Variants in RPH3AL observed in about 807,000 individuals in gnomAD.
RPH3AL encodes the protein rab effector Noc2.
A neutral mutation model predicts 43.1 loss-of-function variants in RPH3AL; 38 were observed. That is an observed-to-expected ratio of 0.88 (90% CI 0.68 to 1.15). The LOEUF (loss-of-function observed/expected upper bound fraction) is 1.15, where lower values mean the gene tolerates loss of function less well. Among genes scored for constraint, RPH3AL ranks in the 50% most tolerant of loss-of-function variants. The pLI is 0.00. For synonymous variants in RPH3AL, 189 were observed against 176.3 expected (o/e 1.07, Z -0.57); for missense variants, 462 against 423.2 (o/e 1.09, Z -0.81).
At chr17:304,162 T>G (rs202120443) in intron 5 of RPH3AL, among the ~76,000 whole-genome samples, 54 of 784 alleles carry the variant, frequency 0.069, 1 homozygote, top group South Asian at 0.25. Flanking sequence ...CAGGAAAGAG[T>G]GGGGCAGGGA....
intron 3 of RPH3AL, 103 bp from the exon 4 acceptor site, chr17:321,518 C>T (rs1191559312): frequency 2.3e-6 from 3 of 1,316,682 alleles, no homozygotes; most frequent in African/African-American, 1.6e-5. Context: ...CAGTGGACGG[C>T]CCAGGTGCCG....
In RPH3AL at chr17:344,885, G is replaced by C. The variant is rs1195676223; in HGVS notation, c.-213+7827C>G. On this transcript the variant is annotated intron_variant, in intron 1 of 9. Coordinates refer to ENST00000331302, the MANE Select transcript of RPH3AL (RefSeq NM_006987.4). ...CCCAGAGGGGCTCATATCTGGGCAGGAGACCTGATGAATAGAAAGTGTATA... is the reference window on the plus strand; with the variant it reads ...CCCAGAGGGGCTCATATCTGGGCAGCAGACCTGATGAATAGAAAGTGTATA... Among the ~76,000 whole-genome samples the C allele has an allele frequency of 2.2e-5, 3 of 135,888 alleles. 1 individual carries two copies. The highest frequency in any genetic ancestry group is 7.6e-5 in the African/African-American group (3 of 39,632). The allele number at this position is 135,888 out of a possible 152,430, so 89.1% of individuals were successfully genotyped here.
At chr17:272,723 T>C (rs1386269845) in intron 6 of RPH3AL, among the ~76,000 whole-genome samples, 1 of 149,870 alleles carries the variant, frequency 6.7e-6, no homozygotes, top group Non-Finnish European at 1.5e-5. Context: ...AACCTGCACA[T>C]TGAGCACATG....
rs2042596858 is a variant in RPH3AL at position 274,097 on chromosome 17, G to A, written c.438+7671C>T. 6.6e-6 allele frequency among the ~76,000 whole-genome samples: 1 copy of A among 152,178 alleles called. No homozygotes were observed. Among genetic ancestry groups the A allele is most frequent in the Non-Finnish European group, 1.5e-5 (1 of 68,034 alleles). On this transcript the variant is annotated intron_variant, in intron 6 of 9. Coordinates refer to ENST00000331302, the MANE Select transcript of RPH3AL (RefSeq NM_006987.4). This position sits in a 1 kb window ranked among gnomAD's most constrained non-coding sequence, Gnocchi z 4.7. ...TTCTTCGTTTTCGTTTAGTGGATAG[G>A]GATTCGAGGCTAAACAGTAAATGAA...
chr17:340,257 A>G (rs1389698573), intron 1 of RPH3AL, among the ~76,000 whole-genome samples: 1 of 151,994 alleles, frequency 6.6e-6, no homozygotes, highest in Non-Finnish European at 1.5e-5. Flanking sequence ...CTGGGAGTTC[A>G]TGGCCATCCA....
rs900366510 is a variant in RPH3AL at position 248,171 on chromosome 17, C to T, written c.439-886G>A. 3.9e-5 allele frequency among the ~76,000 whole-genome samples: 6 copies of T among 152,324 alleles called. 1 individual carries two copies. The highest frequency in any genetic ancestry group is 7.2e-5 in the African/African-American group (3 of 41,584). ...CTTGGTGCCATGCCCAGATCCCCAG[C>T]TTCTCAAGGACAACACCCTGATTCC... On this transcript the variant is annotated intron_variant, in intron 6 of 9. Coordinates refer to ENST00000331302, the MANE Select transcript of RPH3AL (RefSeq NM_006987.4).
chr17:240,771 C>T (rs921352368), intron 7 of RPH3AL, among the ~76,000 whole-genome samples: 5 of 152,104 alleles, frequency 3.3e-5, no homozygotes, highest in South Asian at 4.1e-4. Flanking sequence ...ATTTAAAAAT[C>T]GTCTTCGGCC....
chr17:285,254 C>T (rs892377950), intron 5 of RPH3AL, among the ~76,000 whole-genome samples: 4 of 152,178 alleles, frequency 2.6e-5, no homozygotes, highest in South Asian at 2.1e-4. Context: ...GTTCCTGAGA[C>T]GTGACTCTCG....
chr17:343,634 A>C (rs958292311), intron 1 of RPH3AL, among the ~76,000 whole-genome samples: 1 of 152,190 alleles, frequency 6.6e-6, no homozygotes, highest in African/African-American at 2.4e-5. Flanking sequence ...GGGAAGAATA[A>C]ATTCAACCGG....
intron 1 of RPH3AL, among the ~76,000 whole-genome samples, chr17:344,045 A>G (rs2045188542): frequency 2.4e-5 from 2 of 81,650 alleles, no homozygotes; most frequent in African/African-American, 6.8e-5. Context: ...CATCATCACC[A>G]TCATCATCGT....
chr17:258,237 C>G (rs2042109615), intron 6 of RPH3AL, among the ~76,000 whole-genome samples: 1 of 152,200 alleles, frequency 6.6e-6, no homozygotes, highest in Non-Finnish European at 1.5e-5. Context: ...GAGGAAGCAT[C>G]ACAGCCGTCT....
At chr17:216,575 A>G (rs4417593) in intron 8 of RPH3AL, among the ~76,000 whole-genome samples, 61,366 of 151,260 alleles carry the variant, frequency 0.41, 13,386 homozygotes, top group African/African-American at 0.55. Flanking sequence ...GTGGGTGTGG[A>G]GCGAGGGGAC....
intron 1 of RPH3AL, among the ~76,000 whole-genome samples, chr17:350,291 A>G (rs1194029591): frequency 1.3e-5 from 2 of 152,132 alleles, no homozygotes; most frequent in African/African-American, 4.8e-5. Flanking sequence ...AGCCTGGCCA[A>G]CATAGTTAAA....
At position 213,775 on chromosome 17, in the gene RPH3AL, A is replaced by T; in HGVS notation, c.*77T>A. On this transcript the variant is annotated 3_prime_UTR_variant, in exon 10 of 10. Transcript: ENST00000331302. ...CAACAGGGTGTCTGGTGAGGGCACA[A>T]GGACCGGTCAGGGAGGAGCCGGGCA... 1 of 1,187,958 alleles carries T rather than the reference A, an allele frequency of 8.4e-7. No homozygotes were observed. The highest frequency in any genetic ancestry group is 1.2e-6 in the Non-Finnish European group (1 of 808,688). The allele number at this position is 1,187,958 out of a possible 1,614,324, so 73.6% of individuals were successfully genotyped here. A position where few individuals can be genotyped will look rare whatever the true frequency, so the allele number is the denominator to read the frequency against.
At chr17:292,468 T>A (rs535678440) in intron 5 of RPH3AL, among the ~76,000 whole-genome samples, 97 of 152,258 alleles carry the variant, frequency 6.4e-4, no homozygotes, top group Non-Finnish European at 1.3e-3. Context: ...TCTCATTTAA[T>A]TTTCAAAACA....
At chr17:347,201 T>G (rs1323961555) in intron 1 of RPH3AL, among the ~76,000 whole-genome samples, 1 of 82,832 alleles carries the variant, frequency 1.2e-5, no homozygotes, top group Admixed American at 1.0e-4. Flanking sequence ...GAGGTTGCAG[T>G]GAGCCAGGAT....
At position 283,371 on chromosome 17, in the gene RPH3AL, G is replaced by A. The variant is rs79203825; in HGVS notation, c.352-1517C>T. Among the ~76,000 whole-genome samples, 3,205 of 152,248 alleles carry A rather than the reference G, an allele frequency of 0.021. 79 individuals are homozygous for A. Among genetic ancestry groups the A allele is most frequent in the Admixed American group, 0.074 (1,129 of 15,298 alleles). ...GTGGGGGAGCAAACTCACGGGGGAC[G>A]GAAGCTATGATACATTCCTGCGGGG... is the stretch of plus-strand genomic sequence containing the variant. On this transcript the variant is annotated intron_variant, in intron 5 of 9. Transcript: ENST00000331302. The surrounding 1 kb of genome is among the most constrained non-coding windows in gnomAD (Gnocchi z 4.2).
chr17:240,965 G>A (rs373452156), intron 7 of RPH3AL, among the ~76,000 whole-genome samples: 1 of 152,014 alleles, frequency 6.6e-6, no homozygotes, highest in African/African-American at 2.4e-5. Flanking sequence ...GCTGAGGCAG[G>A]AGAATTGCTT....
At chr17:296,990 C>T (rs1028129913) in intron 5 of RPH3AL, among the ~76,000 whole-genome samples, 1 of 152,148 alleles carries the variant, frequency 6.6e-6, no homozygotes, top group African/African-American at 2.4e-5. Context: ...ACCGATTTTC[C>T]CCAGGGGGTG....
Sources: allele counts gnomAD v4.1 joint callset (sites outside exome capture counted in the v4.1 genomes callset), GRCh38; gene constraint gnomAD v4.1.1; non-coding constraint Gnocchi (gnomAD v3.1); transcripts MANE v1.5; gene names NCBI Gene and HGNC (gene_info 2026-07-23, HGNC 2026-07-21).